The following BACE2 variants were observed in gnomAD, a reference collection of about 807,000 sequenced individuals.
The protein encoded by BACE2 is beta-secretase 2.
In BACE2, 17 loss-of-function variants were observed where a neutral mutation model predicts 46.2. The ratio of observed to expected loss-of-function variants is 0.37; its 90% confidence interval spans 0.25 to 0.55. BACE2 has a LOEUF of 0.55. BACE2 is among the 20% of genes least tolerant of loss of function. BACE2 has a pLI of 0.82. For missense variants in BACE2, 595 were observed against 698.1 expected, an observed-to-expected ratio of 0.85 and a Z score of 1.66; for synonymous variants, 277 against 295.9, an observed-to-expected ratio of 0.94 and a Z score of 0.66.
At chr21:41,187,606 C>G (rs1483820857) in intron 1 of BACE2, among the ~76,000 whole-genome samples, 3 of 152,180 alleles carry the variant, frequency 2.0e-5, no homozygotes, top group African/African-American at 7.2e-5. Flanking sequence ...TCATGAAAGC[C>G]TCTGTGAGTT....
chr21:41,281,764 C>T lies in BACE2; in HGVS notation c.*6140C>T, dbSNP rs2088551737. On this transcript the variant is annotated 3_prime_UTR_variant, in exon 9 of 9. Transcript: ENST00000330333. ...ATAACATTTCTTAACAAATTTAATACAATTTTGTGTTCTTTGTTGCTAGTG... is the reference window on the plus strand; with the variant it reads ...ATAACATTTCTTAACAAATTTAATATAATTTTGTGTTCTTTGTTGCTAGTG... The T allele has an allele frequency of 6.6e-6, 1 of 152,060 alleles. No individual in the cohort carries two copies. Among genetic ancestry groups the T allele is most frequent in the Non-Finnish European group, 1.5e-5 (1 of 68,004 alleles). 9.4% of individuals were successfully genotyped at this position (152,060 alleles called of 1,614,324 possible).
chr21:41,212,897 G>A (rs980744730), intron 1 of BACE2, among the ~76,000 whole-genome samples: 3 of 152,228 alleles, frequency 2.0e-5, no homozygotes, highest in African/African-American at 7.2e-5. Context: ...TTATATAGCA[G>A]CTGGGAAGTT....
At chr21:41,238,927 C>T (rs1289515861) in intron 3 of BACE2, among the ~76,000 whole-genome samples, 5 of 120,802 alleles carry the variant, frequency 4.1e-5, no homozygotes, top group Non-Finnish European at 6.5e-5. Context: ...ACAATGTGCA[C>T]ATGTACCCTA....
intron 2 of BACE2, among the ~76,000 whole-genome samples, chr21:41,233,097 T>A (rs1246142400): frequency 6.6e-6 from 1 of 152,182 alleles, no homozygotes; most frequent in Non-Finnish European, 1.5e-5. Context: ...CTCGATCTCC[T>A]GACCTCATGA....
intron 8 of BACE2, among the ~76,000 whole-genome samples, chr21:41,260,194 G>C (rs180935268): frequency 1.1e-4 from 16 of 152,268 alleles, no homozygotes; most frequent in Non-Finnish European, 1.9e-4. Context: ...TACCAGGCTT[G>C]AGTGCAGTGG....
intron 2 of BACE2, among the ~76,000 whole-genome samples, chr21:41,231,245 TTGA>T (rs931852333): frequency 3.3e-5 from 5 of 152,230 alleles, no homozygotes; most frequent in African/African-American, 4.8e-5. Flanking sequence ...ATTGAGGATG[TTGA>T]TGAACCGCCA....
At chr21:41,240,327 G>C (rs898436290) in intron 3 of BACE2, among the ~76,000 whole-genome samples, 2 of 152,244 alleles carry the variant, frequency 1.3e-5, no homozygotes, top group African/African-American at 4.8e-5. Context: ...TGCTGAATCA[G>C]GTTCTCTCAG....
chr21:41,238,207 A>G (rs1247181204), intron 3 of BACE2, among the ~76,000 whole-genome samples: 1 of 152,198 alleles, frequency 6.6e-6, no homozygotes, highest in East Asian at 1.9e-4. Context: ...GACACCCAGC[A>G]TGGGAATATG....
intron 1 of BACE2, among the ~76,000 whole-genome samples, chr21:41,169,449 G>GAAAA (rs34570194): frequency 3.1e-5 from 4 of 129,838 alleles, no homozygotes; most frequent in East Asian, 2.3e-4. Context: ...ACAGTGATCT[G>GAAAA]AAAAAAAAAA....
At chr21:41,272,151 A>G (rs1344813158) in intron 8 of BACE2, among the ~76,000 whole-genome samples, 1 of 152,018 alleles carries the variant, frequency 6.6e-6, no homozygotes, top group Non-Finnish European at 1.5e-5. Context: ...ATTGTCTTCT[A>G]GTTTGCATTG....
chr21:41,237,735 G>A lies in BACE2; in HGVS notation c.618+6G>A, dbSNP rs1282990265. 5 of 1,606,460 alleles carry A rather than the reference G, an allele frequency of 3.1e-6. No homozygotes were observed. Among genetic ancestry groups the A allele is most frequent in the South Asian group, 1.1e-5 (1 of 90,882 alleles). On this transcript the variant is annotated splice_donor_region_variant and intron_variant, in intron 3 of 8. Transcript: ENST00000330333. ...CTTATGCCACACTTGCCAAGGTAAG[G>A]CTAATCCATGGATTTAAGGAAATCA... is the stretch of plus-strand genomic sequence containing the variant.
In BACE2 at chr21:41,275,366, C is replaced by T; in HGVS notation, c.1304-5C>T. 6.2e-7 allele frequency: 1 copy of T among 1,614,036 alleles called. No homozygotes were observed. On this transcript the variant is annotated splice_region_variant and splice_polypyrimidine_tract_variant and intron_variant, in intron 8 of 8. Coordinates refer to ENST00000330333, the MANE Select transcript of BACE2 (RefSeq NM_012105.5). ...GCTGTGGATTTTCCCTTTCTGTCTC[C>T]CCAGAAATTGCAGGTGCTGCAGTGT...
intron 6 of BACE2, among the ~76,000 whole-genome samples, chr21:41,249,658 C>T (rs1182258093): frequency 1.3e-5 from 2 of 152,240 alleles, no homozygotes; most frequent in East Asian, 3.8e-4. Context: ...CAGCCCAGCT[C>T]CCGCCTTTCT....
chr21:41,197,144 A>G (rs1269534269), intron 1 of BACE2, among the ~76,000 whole-genome samples: 1 of 151,604 alleles, frequency 6.6e-6, no homozygotes, highest in Non-Finnish European at 1.5e-5. Flanking sequence ...AGTTTTTTGT[A>G]GGGATGGGGT....
At chr21:41,225,553 G>A (rs1185932766) in intron 1 of BACE2, 1 of 152,158 alleles carries the variant, frequency 6.6e-6, no homozygotes, top group Non-Finnish European at 1.5e-5. Flanking sequence ...GAATGTTCAA[G>A]AACTGATGAA....
In BACE2 at chr21:41,275,758, G is replaced by A. The variant is rs2123657501; in HGVS notation, c.*134G>A. On this transcript the variant is annotated 3_prime_UTR_variant, in exon 9 of 9. Coordinates refer to ENST00000330333, the MANE Select transcript of BACE2 (RefSeq NM_012105.5). ...TTCAATCTCTGTTCTGCTCCCAGAT[G>A]CCTTCTAGATTCACTGTCTTTTGAT... is the stretch of plus-strand genomic sequence containing the variant. The A allele has an allele frequency of 9.8e-7, 1 of 1,018,438 alleles. No homozygotes were observed. Among genetic ancestry groups the A allele is most frequent in the Non-Finnish European group, 1.4e-6 (1 of 713,324 alleles). The allele number at this position is 1,018,438 out of a possible 1,614,324, so 63.1% of individuals were successfully genotyped here.
rs186470628 is a variant in BACE2, at chr21:41,228,024, G to A, written c.401+1670G>A. ...GGCACAGGAGTTCAGAGAGACAGGG[G>A]ACTTGCCCAAGTTCAAGCTTTGAGG... On this transcript the variant is annotated intron_variant, in intron 2 of 8. Coordinates refer to ENST00000330333, the MANE Select transcript of BACE2 (RefSeq NM_012105.5). Among the ~76,000 whole-genome samples, 20 of 152,270 alleles carry A rather than the reference G, an allele frequency of 1.3e-4. No individual in the cohort carries two copies. The South Asian group carries it at 3.5e-3, about 27-fold the overall frequency.
At chr21:41,225,497 A>C (rs762267104) in intron 1 of BACE2, 1 of 152,218 alleles carries the variant, frequency 6.6e-6, no homozygotes, top group African/African-American at 2.4e-5. Context: ...TTAAGAAGCT[A>C]TGCTAAGAAA....
intron 1 of BACE2, among the ~76,000 whole-genome samples, chr21:41,196,560 G>C (rs955993768): frequency 6.6e-6 from 1 of 151,710 alleles, no homozygotes; most frequent in Non-Finnish European, 1.5e-5. Flanking sequence ...AGTGAGAATA[G>C]CAAGGTAGAG....
Sources: allele counts gnomAD v4.1 joint callset (sites outside exome capture counted in the v4.1 genomes callset), GRCh38; gene constraint gnomAD v4.1.1; transcripts MANE v1.5; gene names NCBI Gene and HGNC (gene_info 2026-07-23, HGNC 2026-07-21).